ASTN2: variants seen among roughly 807,000 people sequenced by gnomAD.
The protein encoded by ASTN2 is astrotactin-2.
In ASTN2, 54 loss-of-function variants were observed where a neutral mutation model predicts 139.8. That is an observed-to-expected ratio of 0.39 (90% CI 0.31 to 0.48). The LOEUF is 0.48. ASTN2 is among the 20% of genes least tolerant of loss of function. The pLI is 0.95. For missense variants in ASTN2, 1,565 were observed against 1,725.1 expected (o/e 0.91, Z 1.64); for synonymous variants, 756 against 719.5 (o/e 1.05, Z -0.81).
chr9:117,200,001 T>C (rs1288379019), intron 3 of ASTN2, among the ~76,000 whole-genome samples: 1 of 152,028 alleles, frequency 6.6e-6, no homozygotes, highest in Non-Finnish European at 1.5e-5. Flanking sequence ...TCCTGAGACT[T>C]TGCTGACATT....
chr9:117,414,557 G>A lies in ASTN2; in HGVS notation c.382C>T (p.Pro128Ser). 6.2e-7 allele frequency: 1 copy of A among 1,603,704 alleles called. No individual in the cohort carries two copies. The highest frequency in any genetic ancestry group is 8.5e-7 in the Non-Finnish European group (1 of 1,175,916). ...RLLLFVRNEL[P>S]GRIAVQDDLD... ...TCGTCCTGCACCGCGATGCGCCCCGGCAGCTCGTTACGCACAAAGAGCAGG... is the reference window on the plus strand; with the variant it reads ...TCGTCCTGCACCGCGATGCGCCCCGACAGCTCGTTACGCACAAAGAGCAGG... Residue 128 changes from proline to serine, a missense_variant, in exon 1 of 23, where the codon CCG (proline) becomes TCG (serine). Around this residue, in one of 4 missense-constraint regions of ASTN2, gnomAD observed 596 missense variants for 576.8 expected, o/e 1.03. Coordinates refer to ENST00000313400, the MANE Select transcript of ASTN2 (RefSeq NM_001365068.1). This position sits in a 1 kb window ranked among gnomAD's most constrained non-coding sequence, Gnocchi z 4.2.
intron 4 of ASTN2, among the ~76,000 whole-genome samples, chr9:117,120,018 G>GTGTGTGTGTGTATATATA (rs1306397698): frequency 1.5e-4 from 7 of 45,998 alleles, no homozygotes; most frequent in East Asian, 1.2e-3. Flanking sequence ...GTGTGTGTGT[G>GTGTGTGTGTGTATATATA]TATATATATA....
At chr9:117,007,193 C>T (rs1160152542) in intron 7 of ASTN2, among the ~76,000 whole-genome samples, 1 of 152,078 alleles carries the variant, frequency 6.6e-6, no homozygotes, top group African/African-American at 2.4e-5. Context: ...CTCCCCTGAC[C>T]ACTTTCTGTA....
chr9:117,200,172 C>T (rs917252985), intron 3 of ASTN2, among the ~76,000 whole-genome samples: 1 of 151,582 alleles, frequency 6.6e-6, no homozygotes, highest in Non-Finnish European at 1.5e-5. Flanking sequence ...TGTTGGTGTG[C>T]TTCACCCATT....
chr9:116,904,297 G>A (rs970414850), intron 10 of ASTN2, among the ~76,000 whole-genome samples: 4 of 152,164 alleles, frequency 2.6e-5, no homozygotes, highest in Non-Finnish European at 4.4e-5. Context: ...CTATGTCCTC[G>A]TGGCAGACAG....
At chr9:116,709,163 T>C (rs1828074075) in intron 16 of ASTN2, among the ~76,000 whole-genome samples, 1 of 152,162 alleles carries the variant, frequency 6.6e-6, no homozygotes, top group Non-Finnish European at 1.5e-5. Flanking sequence ...AAGTTCAACA[T>C]AGCCACTGAG....
At chr9:116,855,050 A>G (rs1035010544) in intron 11 of ASTN2, among the ~76,000 whole-genome samples, 1 of 152,104 alleles carries the variant, frequency 6.6e-6, no homozygotes, top group Non-Finnish European at 1.5e-5. Flanking sequence ...TTTAACAGAT[A>G]ATGACTTCCA....
intron 19 of ASTN2, among the ~76,000 whole-genome samples, chr9:116,542,647 G>T (rs956261470): frequency 6.6e-6 from 1 of 152,176 alleles, no homozygotes; most frequent in East Asian, 1.9e-4. Flanking sequence ...TTTTGGCTGG[G>T]TGTGGTGGCT....
intron 19 of ASTN2, among the ~76,000 whole-genome samples, chr9:116,490,893 G>A (rs62575435): frequency 0.02 from 3,031 of 152,246 alleles, 48 homozygotes; most frequent in Middle Eastern, 0.051. Context: ...GTATGTTTGT[G>A]GCCTGTGTTA....
Position 117,120,032 on chromosome 9 carries a change from A to G in ASTN2, c.1168+21294T>C, listed in dbSNP as rs1167943550. ...TGTGTGTGTGTGTATATATATATATATATATATATATATATATACCCTGAG... is the reference window on the plus strand; with the variant it reads ...TGTGTGTGTGTGTATATATATATATGTATATATATATATATATACCCTGAG... On this transcript the variant is annotated intron_variant, in intron 4 of 22. Coordinates refer to ENST00000313400, the MANE Select transcript of ASTN2 (RefSeq NM_001365068.1). 4.9e-4 allele frequency among the ~76,000 whole-genome samples: 56 copies of G among 113,802 alleles called. 1 individual carries two copies. Among genetic ancestry groups the G allele is most frequent in the African/African-American group, 1.3e-3 (44 of 33,492 alleles). 74.7% of individuals were successfully genotyped at this position (113,802 alleles called of 152,430 possible).
chr9:116,871,488 T>A (rs1833165766), intron 10 of ASTN2, among the ~76,000 whole-genome samples: 1 of 152,178 alleles, frequency 6.6e-6, no homozygotes, highest in Non-Finnish European at 1.5e-5. Flanking sequence ...ATGACCCTTG[T>A]GTTGGGAAAC....
At chr9:117,022,675 T>C (rs557731678) in intron 6 of ASTN2, among the ~76,000 whole-genome samples, 1 of 152,248 alleles carries the variant, frequency 6.6e-6, no homozygotes, top group East Asian at 1.9e-4. Flanking sequence ...AATTTATTCA[T>C]CCTTTGAAAT....
intron 13 of ASTN2, among the ~76,000 whole-genome samples, chr9:116,751,221 T>C (rs1462885030): frequency 6.6e-6 from 1 of 152,228 alleles, no homozygotes; most frequent in African/African-American, 2.4e-5. Flanking sequence ...TAAAAGAGAC[T>C]ATGCATATAG....
intron 6 of ASTN2, among the ~76,000 whole-genome samples, chr9:117,032,685 T>C (rs1564393673): frequency 1.3e-5 from 2 of 152,164 alleles, no homozygotes; most frequent in South Asian, 2.1e-4. Flanking sequence ...CTCACTCTTC[T>C]GGGATGGAGG....
At chr9:117,243,474 C>T (rs1833275653) in intron 2 of ASTN2, among the ~76,000 whole-genome samples, 1 of 152,188 alleles carries the variant, frequency 6.6e-6, no homozygotes, top group African/African-American at 2.4e-5. Flanking sequence ...ACAATTCCTT[C>T]AGTGATAATG....
chr9:116,698,877 G>A lies in ASTN2; in HGVS notation c.2806+26894C>T, dbSNP rs1861026363. On this transcript the variant is annotated intron_variant, in intron 16 of 22. Transcript: ENST00000313400. This position sits in a 1 kb window ranked among gnomAD's most constrained non-coding sequence, Gnocchi z 4.4. ...GTTCAATCTTCCAGTCAGTCTCTAC[G>A]TGACCAGTCAAGGTGAAGTACTAGT... The A allele has an allele frequency of 2.5e-6, 4 of 1,614,240 alleles. No homozygotes were observed. Among genetic ancestry groups the A allele is most frequent in the East Asian group, 2.2e-5 (1 of 44,872 alleles).
intron 13 of ASTN2, among the ~76,000 whole-genome samples, chr9:116,792,730 T>C (rs1284003295): frequency 6.6e-6 from 1 of 152,206 alleles, no homozygotes; most frequent in African/African-American, 2.4e-5. Flanking sequence ...AGAAGACTTC[T>C]TTAAGATTCC....
intron 6 of ASTN2, among the ~76,000 whole-genome samples, chr9:117,030,741 C>T (rs1348215067): frequency 2.0e-5 from 3 of 150,440 alleles, no homozygotes; most frequent in Non-Finnish European, 4.4e-5. Context: ...TTAGACATTC[C>T]TAATGAAGAG....
chr9:116,734,884 A>C (rs137873297), intron 13 of ASTN2, among the ~76,000 whole-genome samples: 1 of 152,184 alleles, frequency 6.6e-6, no homozygotes, highest in Non-Finnish European at 1.5e-5. Context: ...AGGATGTGAC[A>C]TTATCACCAT....
Sources: gnomAD v4.1 joint callset for allele counts (sites outside exome capture counted in the v4.1 genomes callset) on GRCh38, gnomAD v4.1.1 for gene constraint, gnomAD v4.1.1 regional missense constraint, Gnocchi (gnomAD v3.1) non-coding constraint, MANE v1.5 for transcripts, NCBI Gene and HGNC (gene_info 2026-07-23, HGNC 2026-07-21) for gene names.